The following TNFRSF19 variants were observed in gnomAD, a reference collection of about 807,000 sequenced individuals.
TNFRSF19 encodes TNF receptor superfamily member 19.
TNFRSF19 carries 27 observed loss-of-function variants against 46.4 expected under a neutral mutation model. The observed-to-expected ratio is 0.58, with a 90% CI of 0.43 to 0.80. The LOEUF is 0.80. Ranked by LOEUF, TNFRSF19 falls within the 30% of genes least tolerant of loss-of-function variation. TNFRSF19 has a pLI of 0.00. For synonymous variants in TNFRSF19, 204 were observed against 205.0 expected, an observed-to-expected ratio of 1.00 and a Z score of 0.04; for missense variants, 511 against 530.8, an observed-to-expected ratio of 0.96 and a Z score of 0.37.
chr13:23,627,657 G>A (rs1387054654), intron 5 of TNFRSF19, among the ~76,000 whole-genome samples: 1 of 152,168 alleles, frequency 6.6e-6, no homozygotes, highest in Non-Finnish European at 1.5e-5. Flanking sequence ...GACGGAGGAG[G>A]CTGCTCTATC....
chr13:23,590,114 T>G, intron 1 of TNFRSF19, 36 bp from the exon 2 acceptor site: 1 of 1,062,936 alleles, frequency 9.4e-7, no homozygotes, highest in East Asian at 2.5e-5. Flanking sequence ...CACTGATGTT[T>G]TTAATATTAA....
chr13:23,635,885 A>G (rs73448403), intron 5 of TNFRSF19, among the ~76,000 whole-genome samples: 2,462 of 152,318 alleles, frequency 0.016, 70 homozygotes, highest in African/African-American at 0.056. Context: ...TATAATGTAT[A>G]TACAAGAAGA....
intron 3 of TNFRSF19, among the ~76,000 whole-genome samples, chr13:23,595,216 C>A (rs1199381833): frequency 1.3e-5 from 2 of 152,206 alleles, no homozygotes; most frequent in African/African-American, 4.8e-5. Context: ...CAAAGGATCA[C>A]AACTCCTTGC....
At chr13:23,648,445 C>A (rs1277124828) in intron 5 of TNFRSF19, among the ~76,000 whole-genome samples, 3 of 152,170 alleles carry the variant, frequency 2.0e-5, no homozygotes, top group Non-Finnish European at 4.4e-5. Context: ...TTGTATCCTG[C>A]AATGTTGCTG....
rs989775248 is a variant in TNFRSF19 at position 23,595,599 on chromosome 13, A to G, written c.180+2144A>G. ...GGAACAAACAAAGCCTGCAAGAAAT[A>G]TGAGACTATGTGAAAAGACCAAACC... is the stretch of plus-strand genomic sequence containing the variant. On this transcript the variant is annotated intron_variant, in intron 3 of 9. Coordinates refer to ENST00000248484, the MANE Select transcript of TNFRSF19 (RefSeq NM_148957.4). 4.6e-5 allele frequency among the ~76,000 whole-genome samples: 7 copies of G among 152,358 alleles called. No individual in the cohort carries two copies. In the South Asian group the frequency reaches 1.5e-3, roughly 32 times the overall value.
At chr13:23,621,905 C>T (rs914959272) in intron 4 of TNFRSF19, among the ~76,000 whole-genome samples, 3 of 151,836 alleles carry the variant, frequency 2.0e-5, no homozygotes, top group South Asian at 2.1e-4. Flanking sequence ...GAGCCAAGAT[C>T]GCACCACTGC....
chr13:23,622,870 C>T (rs1881760268), intron 4 of TNFRSF19, among the ~76,000 whole-genome samples: 1 of 152,102 alleles, frequency 6.6e-6, no homozygotes, highest in Non-Finnish European at 1.5e-5. Flanking sequence ...GGATGTGTTA[C>T]AATGTTTAGC....
chr13:23,593,288 C>CA (rs561606501), intron 2 of TNFRSF19, 57 bp from the exon 3 acceptor site: 630 of 1,035,896 alleles, frequency 6.1e-4, no homozygotes, highest in Middle Eastern at 8.5e-4. Flanking sequence ...TCCTTTCTTG[C>CA]AAAAAAAAAT....
chr13:23,617,248 A>G (rs968253897), intron 4 of TNFRSF19, among the ~76,000 whole-genome samples: 4 of 152,162 alleles, frequency 2.6e-5, no homozygotes, highest in African/African-American at 9.7e-5. Context: ...CAGTACACCA[A>G]GTTACAGAGA....
rs543691591 is a variant in TNFRSF19, at chr13:23,635,171, G to A, written c.445+8379G>A. Reference sequence around the variant, plus strand: ...ACTGCCTCTCCAGGTGAACTCCGAGGGACAGGATTAAGAGAGTTTTAAAAT... The same window carrying A: ...ACTGCCTCTCCAGGTGAACTCCGAGAGACAGGATTAAGAGAGTTTTAAAAT... On this transcript the variant is annotated intron_variant, in intron 5 of 9. Coordinates refer to ENST00000248484, the MANE Select transcript of TNFRSF19 (RefSeq NM_148957.4). 2.6e-5 allele frequency among the ~76,000 whole-genome samples: 4 copies of A among 151,866 alleles called. No individual in the cohort carries two copies. The East Asian group carries it at 7.8e-4, about 29-fold the overall frequency.
rs368852693 is a variant in TNFRSF19 at position 23,668,667 on chromosome 13, T to A, written c.840-25T>A. The A allele has an allele frequency of 2.5e-6, 4 of 1,587,962 alleles. No individual in the cohort carries two copies. The African/African-American group carries it at 5.4e-5, about 22-fold the overall frequency. Reference sequence around the variant, plus strand: ...GTGTTTTTCTCCCCATCAAAAACTTTAAGTTCTTTTGAACGTGTGTGCAGA... The same window carrying A: ...GTGTTTTTCTCCCCATCAAAAACTTAAAGTTCTTTTGAACGTGTGTGCAGA... On this transcript the variant is annotated intron_variant, in intron 8 of 9. Coordinates refer to ENST00000248484, the MANE Select transcript of TNFRSF19 (RefSeq NM_148957.4).
intron 4 of TNFRSF19, among the ~76,000 whole-genome samples, chr13:23,622,272 GT>G (rs1290789310): frequency 3.9e-5 from 4 of 102,034 alleles, no homozygotes; most frequent in African/African-American, 1.2e-4. Flanking sequence ...GCTGGGCATG[GT>G]AAACGGGTGC....
At chr13:23,596,756 T>C (rs1235678109) in intron 3 of TNFRSF19, among the ~76,000 whole-genome samples, 2 of 152,232 alleles carry the variant, frequency 1.3e-5, no homozygotes, top group Admixed American at 6.5e-5. Context: ...TTGGACCTAA[T>C]AGACATCTAC....
intron 3 of TNFRSF19, among the ~76,000 whole-genome samples, chr13:23,599,066 G>A (rs1409654216): frequency 2.0e-5 from 3 of 152,162 alleles, no homozygotes; most frequent in African/African-American, 7.2e-5. Context: ...AATGAGTGGT[G>A]GCTTTTAGTA....
At chr13:23,648,432 ATTT>A (rs1425514802) in intron 5 of TNFRSF19, among the ~76,000 whole-genome samples, 1 of 152,058 alleles carries the variant, frequency 6.6e-6, no homozygotes, top group Admixed American at 6.5e-5. Context: ...TTGCATGTTG[ATTT>A]TGTATCCTGC....
chr13:23,583,978 AG>A (rs561012171), intron 1 of TNFRSF19, among the ~76,000 whole-genome samples: 28 of 152,346 alleles, frequency 1.8e-4, no homozygotes, highest in African/African-American at 6.7e-4. Context: ...CCTAATGCAA[AG>A]ATGATAAAAT....
intron 5 of TNFRSF19, among the ~76,000 whole-genome samples, chr13:23,636,952 TA>T (rs1380902412): frequency 6.6e-6 from 1 of 152,244 alleles, no homozygotes; most frequent in Admixed American, 6.5e-5. Context: ...TTAATTTAAA[TA>T]AATCATGTAT....
chr13:23,614,746 C>T (rs375942462), intron 3 of TNFRSF19, among the ~76,000 whole-genome samples: 10 of 134,892 alleles, frequency 7.4e-5, no homozygotes, highest in East Asian at 6.3e-4. Flanking sequence ...ATAAGTAATA[C>T]ATATATATAT....
In TNFRSF19 at chr13:23,653,577, C is replaced by T. The variant is rs1297757750; in HGVS notation, c.446-5473C>T. Among the ~76,000 whole-genome samples, 5 of 151,816 alleles carry T rather than the reference C, an allele frequency of 3.3e-5. No individual in the cohort carries two copies. The South Asian group carries it at 6.2e-4, about 19-fold the overall frequency. ...TCCAGCAGCTGAGGTGCAGTCCTTG[C>T]GGCAGTCTAGGGGAGCATTGTGGAC... On this transcript the variant is annotated intron_variant, in intron 5 of 9. Transcript: ENST00000248484.
Sources: gnomAD v4.1 joint callset for allele counts (sites outside exome capture counted in the v4.1 genomes callset) on GRCh38, gnomAD v4.1.1 for gene constraint, MANE v1.5 for transcripts, NCBI Gene and HGNC (gene_info 2026-07-23, HGNC 2026-07-21) for gene names.